The following DOCK10 variants were observed in gnomAD, a reference collection of about 807,000 sequenced individuals.
DOCK10 encodes the protein dedicator of cytokinesis 10.
A neutral mutation model predicts 280.1 loss-of-function variants in DOCK10; 145 were observed. The ratio of observed to expected loss-of-function variants is 0.52; its 90% CI spans 0.45 to 0.59. The LOEUF is 0.59. Among genes scored for constraint, DOCK10 ranks in the 20% least tolerant of loss-of-function variants. The pLI, the probability that DOCK10 is intolerant of heterozygous loss-of-function variation, is 0.00. For missense variants in DOCK10, 2,368 were observed against 2,651.7 expected, an observed-to-expected ratio of 0.89 and a Z score of 2.35; for synonymous variants, 915 against 942.2, an observed-to-expected ratio of 0.97 and a Z score of 0.53.
At chr2:224,995,940 T>A (rs937512744) in intron 1 of DOCK10, among the ~76,000 whole-genome samples, 11 of 152,268 alleles carry the variant, frequency 7.2e-5, no homozygotes, top group African/African-American at 2.7e-4. Context: ...CTACATGGAA[T>A]TTTTGTTCTT....
At chr2:224,933,361 G>T (rs74375709) in intron 1 of DOCK10, among the ~76,000 whole-genome samples, 1 of 152,086 alleles carries the variant, frequency 6.6e-6, no homozygotes. Flanking sequence ...TGTTTGGTTT[G>T]CCACCCACAT....
rs751073184 is a variant in DOCK10 at position 224,852,932 on chromosome 2, T to C, written c.2076+3A>G. On this transcript the variant is annotated splice_donor_region_variant and intron_variant, in intron 17 of 55. Coordinates refer to ENST00000258390, the MANE Select transcript of DOCK10 (RefSeq NM_014689.3). ...GATGATATCTCTGGAACTTATATCA[T>C]ACCTTGTTGAAGCATTTCTGGCTAT... 1.9e-6 allele frequency: 3 copies of C among 1,586,500 alleles called. No homozygotes were observed. The South Asian group carries it at 3.4e-5, about 18-fold the overall frequency.
chr2:224,823,603 C>T lies in DOCK10; in HGVS notation c.3081G>A (p.Leu1027=), dbSNP rs1426582720. 3.7e-6 allele frequency: 6 copies of T among 1,604,076 alleles called. No homozygotes were observed. The highest frequency in any genetic ancestry group is 1.1e-5 in the South Asian group (1 of 88,626). The part of the protein sequence containing the change: ...QRFPESYQNE[L]DNLVMVLSDH... ...CGGATAGGACCATGACAAGATTGTC[C>T]AATTCATTTTGGTAAGATTCAGGAA... The change falls in exon 28 of 56, where the codon TTG becomes TTA. Residue 1027 remains leucine (L), a synonymous_variant. Transcript: ENST00000258390.
intron 14 of DOCK10, among the ~76,000 whole-genome samples, chr2:224,858,800 T>G (rs900210573): frequency 5.3e-5 from 8 of 152,302 alleles, no homozygotes; most frequent in African/African-American, 1.9e-4. Flanking sequence ...CTCAGCACCA[T>G]GATCTTTGGG....
At chr2:224,809,582 C>T (rs1693627707) in intron 31 of DOCK10, among the ~76,000 whole-genome samples, 1 of 152,060 alleles carries the variant, frequency 6.6e-6, no homozygotes, top group Non-Finnish European at 1.5e-5. Flanking sequence ...AGAAGACATA[C>T]AAATGGCCAA....
chr2:225,035,820 C>T (rs1292697306), intron 1 of DOCK10, among the ~76,000 whole-genome samples: 2 of 151,248 alleles, frequency 1.3e-5, no homozygotes, highest in Non-Finnish European at 2.9e-5. Flanking sequence ...CTTTCTGGCT[C>T]GTAGTTGGCC....
At chr2:224,855,302 A>G (rs1697050910) in intron 15 of DOCK10, among the ~76,000 whole-genome samples, 1 of 152,246 alleles carries the variant, frequency 6.6e-6, no homozygotes, top group Non-Finnish European at 1.5e-5. Flanking sequence ...AAAATTTTAA[A>G]TTTATTTCCT....
chr2:225,021,873 G>A (rs758569263), intron 1 of DOCK10, among the ~76,000 whole-genome samples: 6 of 152,158 alleles, frequency 3.9e-5, no homozygotes, highest in Non-Finnish European at 8.8e-5. Context: ...GAGGCACTTG[G>A]CAGTTTAAAT....
chr2:225,008,209 G>T (rs1689330890), intron 1 of DOCK10, among the ~76,000 whole-genome samples: 1 of 152,136 alleles, frequency 6.6e-6, no homozygotes, highest in African/African-American at 2.4e-5. Context: ...ATGTTGCCCA[G>T]GGTGGACTCA....
intron 7 of DOCK10, among the ~76,000 whole-genome samples, chr2:224,880,460 T>C (rs1698914855): frequency 6.6e-6 from 1 of 152,186 alleles, no homozygotes; most frequent in African/African-American, 2.4e-5. Flanking sequence ...GTTTTAATAA[T>C]TTTGAAGTAT....
At chr2:224,998,825 T>C (rs1706346979) in intron 1 of DOCK10, among the ~76,000 whole-genome samples, 1 of 152,198 alleles carries the variant, frequency 6.6e-6, no homozygotes, top group Non-Finnish European at 1.5e-5. Flanking sequence ...CTGCATGTGA[T>C]TTTTATATGG....
At chr2:224,865,896 T>C (rs909509520) in intron 11 of DOCK10, among the ~76,000 whole-genome samples, 10 of 149,352 alleles carry the variant, frequency 6.7e-5, no homozygotes, top group Admixed American at 4.0e-4. Context: ...CTTACACACA[T>C]ACACACACAC....
chr2:224,856,736 C>T lies in DOCK10; in HGVS notation c.1808+124G>A, dbSNP rs1003898287. On this transcript the variant is annotated intron_variant, in intron 15 of 55. Transcript: ENST00000258390. ...TGCTATTTGGGCATATGTGAAGTCACCTGAAAAATATCTGCTTTCTGGAGG... is the reference window on the plus strand; with the variant it reads ...TGCTATTTGGGCATATGTGAAGTCATCTGAAAAATATCTGCTTTCTGGAGG... 6 of 877,170 alleles carry T rather than the reference C, an allele frequency of 6.8e-6. No individual in the cohort carries two copies. In the African/African-American group the frequency reaches 1.0e-4, roughly 15 times the overall value. 54.3% of individuals were successfully genotyped at this position (877,170 alleles called of 1,614,324 possible). A position where few individuals can be genotyped will look rare whatever the true frequency, so the allele number is the denominator to read the frequency against.
At chr2:224,789,826 G>T (rs1692025896) in intron 47 of DOCK10, among the ~76,000 whole-genome samples, 2 of 151,716 alleles carry the variant, frequency 1.3e-5, no homozygotes, top group African/African-American at 4.8e-5. Context: ...TGTTGCCCAG[G>T]CTGGAGTGCA....
intron 1 of DOCK10, among the ~76,000 whole-genome samples, chr2:225,029,141 G>T (rs537928865): frequency 6.6e-6 from 1 of 152,184 alleles, no homozygotes; most frequent in East Asian, 1.9e-4. Context: ...AAACCTCCTT[G>T]TGACTCAGTT....
intron 1 of DOCK10, among the ~76,000 whole-genome samples, chr2:225,023,752 C>T (rs1190477474): frequency 6.6e-6 from 1 of 152,020 alleles, no homozygotes; most frequent in African/African-American, 2.4e-5. Context: ...ACAGCAAAAA[C>T]CAAAAACTAA....
At chr2:224,842,579 CTGTG>C (rs947801956) in intron 22 of DOCK10, among the ~76,000 whole-genome samples, 7 of 152,172 alleles carry the variant, frequency 4.6e-5, no homozygotes, top group African/African-American at 1.4e-4. Context: ...CCTCAGGCCA[CTGTG>C]TGTGTGCGCG....
At chr2:224,895,249 T>C (rs765466079) in intron 4 of DOCK10, among the ~76,000 whole-genome samples, 5 of 152,212 alleles carry the variant, frequency 3.3e-5, no homozygotes, top group Non-Finnish European at 5.9e-5. Context: ...CTTGAAAAGG[T>C]GCTTCTGGGG....
At chr2:224,882,600 C>T (rs1699040336) in intron 7 of DOCK10, among the ~76,000 whole-genome samples, 1 of 152,122 alleles carries the variant, frequency 6.6e-6, no homozygotes, top group Admixed American at 6.6e-5. Context: ...ACTGAAATGG[C>T]ATATTCACTA....
Sources: gnomAD v4.1 joint callset for allele counts (sites outside exome capture counted in the v4.1 genomes callset) on GRCh38, gnomAD v4.1.1 for gene constraint, MANE v1.5 for transcripts, NCBI Gene and HGNC (gene_info 2026-07-23, HGNC 2026-07-21) for gene names.